RNF217: variants seen among roughly 807,000 people sequenced by gnomAD.
The protein encoded by RNF217 is E3 ubiquitin-protein ligase RNF217.
Under a neutral mutation model 57.8 loss-of-function variants are expected in RNF217, and 31 were observed. The ratio of observed to expected loss-of-function variants is 0.54; its 90% confidence interval spans 0.40 to 0.72. The LOEUF (loss-of-function observed/expected upper bound fraction) is 0.72. Among genes scored for constraint, RNF217 ranks in the 30% least tolerant of loss-of-function variants. RNF217 has a pLI of 0.00. For missense variants in RNF217, 696 were observed against 708.3 expected, an observed-to-expected ratio of 0.98 and a Z score of 0.20; for synonymous variants, 313 against 294.0, an observed-to-expected ratio of 1.06 and a Z score of -0.66.
chr6:125,092,103 AG>A lies in RNF217; in HGVS notation c.*9168del, dbSNP rs1788972242. 6.6e-6 allele frequency: 1 copy of A among 152,196 alleles called. No homozygotes were observed. Among genetic ancestry groups the A allele is most frequent in the Non-Finnish European group, 1.5e-5 (1 of 68,022 alleles). The allele number at this position is 152,196 out of a possible 1,614,324, so 9.4% of individuals were successfully genotyped here. A position where few individuals can be genotyped will look rare whatever the true frequency, so the allele number is the denominator to read the frequency against. On this transcript the variant is annotated 3_prime_UTR_variant, in exon 6 of 6. Transcript: ENST00000521654. ...AAAGGAAAAGAATCTTCCTGCCAAC[AG>A]GTAGGTCCTGCTGGACAGGACCTGA...
At chr6:124,984,731 A>C (rs1784312982) in intron 1 of RNF217, among the ~76,000 whole-genome samples, 1 of 152,066 alleles carries the variant, frequency 6.6e-6, no homozygotes, top group African/African-American at 2.4e-5. Flanking sequence ...TACTAGTAGA[A>C]CTGATTTTCT....
chr6:125,045,754 T>G (rs1331825428), intron 2 of RNF217, among the ~76,000 whole-genome samples: 1 of 152,118 alleles, frequency 6.6e-6, no homozygotes, highest in Non-Finnish European at 1.5e-5. Context: ...CTAAGGCTTT[T>G]TCTTTATTAT....
chr6:124,997,053 G>A (rs1385907237), intron 1 of RNF217, among the ~76,000 whole-genome samples: 1 of 152,158 alleles, frequency 6.6e-6, no homozygotes, highest in Non-Finnish European at 1.5e-5. Context: ...CGTGCTGGTA[G>A]AGTCTATTTT....
At chr6:125,029,134 A>G (rs1292635392) in intron 1 of RNF217, among the ~76,000 whole-genome samples, 1 of 152,144 alleles carries the variant, frequency 6.6e-6, no homozygotes, top group Admixed American at 6.5e-5. Flanking sequence ...CCTAATTACA[A>G]ACTTTGCAGT....
At chr6:125,038,547 G>A (rs9388403) in intron 1 of RNF217, among the ~76,000 whole-genome samples, 1 of 152,158 alleles carries the variant, frequency 6.6e-6, no homozygotes, top group South Asian at 2.1e-4. Flanking sequence ...CTAGAGGATG[G>A]CTATTTAAGG....
At chr6:124,979,981 G>A (rs190343829) in intron 1 of RNF217, among the ~76,000 whole-genome samples, 356 of 152,300 alleles carry the variant, frequency 2.3e-3, no homozygotes, top group Middle Eastern at 6.8e-3. Flanking sequence ...CTTTAGTATA[G>A]CAGAACGTCC....
chr6:125,048,590 T>C lies in RNF217; in HGVS notation c.1116+3146T>C, dbSNP rs181151420. Reference sequence around the variant, plus strand: ...CATCCAAGATGTCATTCTTTGAACATTTATTATGGCTTTTGCTGTCAATTC... The same window carrying C: ...CATCCAAGATGTCATTCTTTGAACACTTATTATGGCTTTTGCTGTCAATTC... On this transcript the variant is annotated intron_variant, in intron 2 of 5. Transcript: ENST00000521654. 3.5e-3 allele frequency among the ~76,000 whole-genome samples: 540 copies of C among 152,180 alleles called. 2 individuals carry two copies. Among genetic ancestry groups the C allele is most frequent in the Non-Finnish European group, 6.3e-3 (429 of 67,980 alleles).
intron 1 of RNF217, among the ~76,000 whole-genome samples, chr6:125,035,799 G>A (rs1786588243): frequency 6.6e-6 from 1 of 150,732 alleles, no homozygotes; most frequent in Non-Finnish European, 1.5e-5. Context: ...TACAGTTACA[G>A]TCTACCTGGT....
chr6:124,971,059 T>C (rs1347571466), intron 1 of RNF217, among the ~76,000 whole-genome samples: 1 of 152,196 alleles, frequency 6.6e-6, no homozygotes, highest in Non-Finnish European at 1.5e-5. Flanking sequence ...CTGCAGGTAG[T>C]AGAATGTTAT....
chr6:125,026,972 C>A (rs1786117768), intron 1 of RNF217, among the ~76,000 whole-genome samples: 1 of 151,776 alleles, frequency 6.6e-6, no homozygotes, highest in Non-Finnish European at 1.5e-5. Flanking sequence ...ATGAACATGA[C>A]ATAATTTGTA....
intron 1 of RNF217, among the ~76,000 whole-genome samples, chr6:125,014,674 A>T (rs1385823163): frequency 6.6e-6 from 1 of 152,188 alleles, no homozygotes; most frequent in African/African-American, 2.4e-5. Context: ...CATGGGTTAG[A>T]GTCTTAACAT....
chr6:124,976,013 G>T (rs1783943170), intron 1 of RNF217, among the ~76,000 whole-genome samples: 3 of 152,014 alleles, frequency 2.0e-5, no homozygotes, highest in Admixed American at 2.0e-4. Context: ...TAAAATTAAA[G>T]AAAGAAGTAT....
intron 1 of RNF217, among the ~76,000 whole-genome samples, chr6:125,004,487 G>A (rs1317467034): frequency 6.6e-6 from 1 of 152,182 alleles, no homozygotes; most frequent in Non-Finnish European, 1.5e-5. Context: ...GAAGATCCTA[G>A]CCCTGGGGAG....
At chr6:125,060,194 A>G (rs1787678496) in intron 3 of RNF217, among the ~76,000 whole-genome samples, 1 of 152,134 alleles carries the variant, frequency 6.6e-6, no homozygotes, top group African/African-American at 2.4e-5. Context: ...TTTACCATTT[A>G]TAAATATAAA....
At chr6:125,016,703 C>T (rs1387914014) in intron 1 of RNF217, among the ~76,000 whole-genome samples, 1 of 151,540 alleles carries the variant, frequency 6.6e-6, no homozygotes, top group African/African-American at 2.4e-5. Context: ...CAAACACCAC[C>T]TGTTCTCACT....
At chr6:124,969,494 A>T (rs2114985508) in intron 1 of RNF217, among the ~76,000 whole-genome samples, 1 of 152,320 alleles carries the variant, frequency 6.6e-6, no homozygotes, top group African/African-American at 2.4e-5. Context: ...TTCTCTATCA[A>T]CTTTATCACT....
At chr6:125,056,989 G>A (rs545888384) in intron 2 of RNF217, among the ~76,000 whole-genome samples, 14 of 152,258 alleles carry the variant, frequency 9.2e-5, no homozygotes, top group African/African-American at 1.4e-4. Flanking sequence ...ATGAAGGCCC[G>A]TTTCTGACGG....
At chr6:124,988,050 C>G (rs1351567773) in intron 1 of RNF217, among the ~76,000 whole-genome samples, 1 of 152,156 alleles carries the variant, frequency 6.6e-6, no homozygotes, top group East Asian at 1.9e-4. Context: ...GCGAGCATTA[C>G]CACCTGAGCT....
Position 125,045,439 on chromosome 6 carries a change from T to A in RNF217, c.1111T>A (p.Tyr371Asn). Reference protein sequence around the residue: ...IPTPSRSESKYKIQCPTCQFV... With the variant: ...IPTPSRSESKNKIQCPTCQFV... ...CACCCCTTCCAGATCAGAAAGCAAA[T>A]ACAAAGTAAGCATTTTCACCAGAGC... Residue 371 changes from tyrosine (Y) to asparagine (N), a missense_variant, in exon 2 of 6, where the codon TAC becomes AAC. This residue lies in a region of RNF217 where 231 missense variants were observed against 321.4 expected (regional missense o/e 0.72). Transcript: ENST00000521654. 1.2e-6 allele frequency: 2 copies of A among 1,610,390 alleles called. No homozygotes were observed. The highest frequency in any genetic ancestry group is 1.7e-6 in the Non-Finnish European group (2 of 1,177,872).
Sources: allele counts gnomAD v4.1 joint callset (sites outside exome capture counted in the v4.1 genomes callset), GRCh38; gene constraint gnomAD v4.1.1; regional missense constraint gnomAD v4.1.1; transcripts MANE v1.5; gene names NCBI Gene and HGNC (gene_info 2026-07-23, HGNC 2026-07-21).